Variants in SLC25A53 observed in about 807,000 individuals in gnomAD.
The protein encoded by SLC25A53 is solute carrier family 25 member 53.
Under a neutral mutation model 15.0 loss-of-function variants are expected in SLC25A53, and 5 were observed. The ratio of observed to expected loss-of-function variants is 0.33; its 90% CI spans 0.17 to 0.70. SLC25A53 has a LOEUF of 0.70. Ranked by LOEUF, SLC25A53 falls within the 30% of genes least tolerant of loss-of-function variation. The pLI is 0.67. For missense variants in SLC25A53, 216 were observed against 241.6 expected (o/e 0.89, Z 0.70); for synonymous variants, 95 against 100.0 (o/e 0.95, Z 0.30).
chrX:104,134,326 T>C (rs782226182), intron 1 of SLC25A53, among the ~76,000 whole-genome samples: 123 of 111,350 alleles, frequency 1.1e-3, no homozygotes, highest in Non-Finnish European at 2.0e-3. Flanking sequence ...GAAACATAAA[T>C]GCAATGACCA....
At chrX:104,121,800 G>C (rs1419814387) in intron 1 of SLC25A53, among the ~76,000 whole-genome samples, 1 of 99,038 alleles carries the variant, frequency 1.0e-5, no homozygotes, top group African/African-American at 3.8e-5. Context: ...TCAATATGTT[G>C]CATAATTTGT....
chrX:104,114,955 G>T lies in SLC25A53; in HGVS notation c.-31-9667C>A, dbSNP rs782551607. On this transcript the variant is annotated intron_variant, in intron 1 of 1. Transcript: ENST00000594199. ...TGACTCTGATGAGGATGTGATCCTG[G>T]TGGTGTCTCTGTACCCTTCACTGAC... 29 of 1,195,200 alleles carry T rather than the reference G, an allele frequency of 2.4e-5. No homozygotes were observed. In the Admixed American group the frequency reaches 6.7e-4, roughly 27 times the overall value.
intron 1 of SLC25A53, among the ~76,000 whole-genome samples, chrX:104,142,861 C>T (rs1054059823): frequency 7.9e-5 from 8 of 101,908 alleles, no homozygotes; most frequent in Admixed American, 1.1e-4. Flanking sequence ...GCGGAACTTA[C>T]GGTGAGCCGA....
At chrX:104,152,940 T>A (rs782271869) in intron 1 of SLC25A53, among the ~76,000 whole-genome samples, 1 of 111,209 alleles carries the variant, frequency 9.0e-6, no homozygotes, top group East Asian at 2.8e-4. Context: ...TTGACAAGAG[T>A]CTAGAATGAT....
chrX:104,120,143 C>G (rs2075389050), intron 1 of SLC25A53, among the ~76,000 whole-genome samples: 1 of 111,643 alleles, frequency 9.0e-6, no homozygotes. Context: ...TGGACTGTTT[C>G]CAGTTGGGGA....
At chrX:104,132,911 C>A (rs1478474942) in intron 1 of SLC25A53, among the ~76,000 whole-genome samples, 1 of 111,704 alleles carries the variant, frequency 9.0e-6, no homozygotes, top group Non-Finnish European at 1.9e-5. Flanking sequence ...TGTGTATAAA[C>A]TCTACCAAAT....
At chrX:104,153,262 ATTT>A (rs199783059) in intron 1 of SLC25A53, among the ~76,000 whole-genome samples, 2 of 83,321 alleles carry the variant, frequency 2.4e-5, no homozygotes, top group African/African-American at 8.5e-5. Context: ...ATATATATAT[ATTT>A]TTTTTTTCTC....
intron 1 of SLC25A53, among the ~76,000 whole-genome samples, chrX:104,136,057 C>A (rs1316593822): frequency 9.0e-6 from 1 of 111,155 alleles, no homozygotes; most frequent in Non-Finnish European, 1.9e-5. Context: ...AAAAGATGCC[C>A]TTCTCTGAGC....
At position 104,102,853 on chromosome X, in the gene SLC25A53, G is replaced by C. The variant is rs1198181590; in HGVS notation, c.*1481C>G. ...TGCTGTTAGAAAGGGGCATCACAGA[G>C]GCTGGGCGCGGTGGCTCACGCCTGT... On this transcript the variant is annotated 3_prime_UTR_variant, in exon 2 of 2. Coordinates refer to ENST00000594199, the MANE Select transcript of SLC25A53 (RefSeq NM_001012755.5). The C allele has an allele frequency of 8.9e-6, 1 of 111,926 alleles. No homozygotes were observed. Among genetic ancestry groups the C allele is most frequent in the Non-Finnish European group, 1.9e-5 (1 of 53,210 alleles). The allele number at this position is 111,926 out of a possible 1,213,427, so 9.2% of individuals were successfully genotyped here.
At chrX:104,155,022 C>T (rs1416738998) in intron 1 of SLC25A53, among the ~76,000 whole-genome samples, 2 of 111,635 alleles carry the variant, frequency 1.8e-5, no homozygotes, top group African/African-American at 3.3e-5. Flanking sequence ...TGTAAATATA[C>T]AATAAAATTA....
At chrX:104,108,204 G>A (rs1290281677) in intron 1 of SLC25A53, among the ~76,000 whole-genome samples, 1 of 111,681 alleles carries the variant, frequency 9.0e-6, no homozygotes, top group African/African-American at 3.3e-5. Context: ...AGACAGACCC[G>A]AGACTGAATT....
At chrX:104,133,252 A>T (rs1312247623) in intron 1 of SLC25A53, among the ~76,000 whole-genome samples, 2 of 112,177 alleles carry the variant, frequency 1.8e-5, no homozygotes, top group Non-Finnish European at 3.8e-5. Context: ...GAAAAAAGGC[A>T]ATCAATGAAG....
At chrX:104,132,995 T>G (rs1259877591) in intron 1 of SLC25A53, among the ~76,000 whole-genome samples, 3 of 112,146 alleles carry the variant, frequency 2.7e-5, no homozygotes, top group South Asian at 7.4e-4. Flanking sequence ...AAGAACTGAC[T>G]AGAGACTTCA....
intron 1 of SLC25A53, chrX:104,113,250 G>A (rs2075358557): frequency 8.9e-6 from 1 of 111,807 alleles, no homozygotes; most frequent in Admixed American, 9.5e-5. Context: ...AGAGCTGGTA[G>A]GGCGAGGGTC....
Position 104,114,791 on chromosome X carries a change from T to C in SLC25A53, c.-31-9503A>G, listed in dbSNP as rs782550709. On this transcript the variant is annotated intron_variant, in intron 1 of 1. Coordinates refer to ENST00000594199, the MANE Select transcript of SLC25A53 (RefSeq NM_001012755.5). ...GAAGAGGATTGGGATGATGCTTTTATTAAACGGAAGCGGCCGAAAAGGTCT... is the reference window on the plus strand; with the variant it reads ...GAAGAGGATTGGGATGATGCTTTTACTAAACGGAAGCGGCCGAAAAGGTCT... 3 of 1,211,423 alleles carry C rather than the reference T, an allele frequency of 2.5e-6. No homozygotes were observed. The Admixed American group carries it at 6.5e-5, about 26-fold the overall frequency.
intron 1 of SLC25A53, among the ~76,000 whole-genome samples, chrX:104,152,401 A>T (rs1337822764): frequency 9.1e-6 from 1 of 109,440 alleles, no homozygotes; most frequent in Non-Finnish European, 1.9e-5. Context: ...TACAAAGGAC[A>T]TGAACTCATC....
chrX:104,114,059 T>C, intron 1 of SLC25A53: 1 of 1,208,077 alleles, frequency 8.3e-7, no homozygotes, highest in Non-Finnish European at 1.1e-6. Flanking sequence ...GATAAGGCTT[T>C]TCCAAAAAGC....
Position 104,100,584 on chromosome X carries a change from G to A in SLC25A53, c.*3750C>T, listed in dbSNP as rs1424263993. On this transcript the variant is annotated 3_prime_UTR_variant, in exon 2 of 2. Coordinates refer to ENST00000594199, the MANE Select transcript of SLC25A53 (RefSeq NM_001012755.5). ...CTGTATAATTTTACAATATTGCCTA[G>A]GATTTCATATGAACCGATTTGAAAA... 4 of 111,444 alleles carry A rather than the reference G, an allele frequency of 3.6e-5. No homozygotes were observed. The East Asian group carries it at 8.4e-4, about 23-fold the overall frequency. The allele number at this position is 111,444 out of a possible 1,213,427, so 9.2% of individuals were successfully genotyped here. A position where few individuals can be genotyped will look rare whatever the true frequency, so the allele number is the denominator to read the frequency against.
intron 1 of SLC25A53, chrX:104,115,065 T>A (rs782088919): frequency 5.1e-5 from 61 of 1,196,402 alleles, no homozygotes; most frequent in Non-Finnish European, 6.4e-5. Flanking sequence ...ATTCTGGGGC[T>A]CAGTCTCTTT....
Sources: gnomAD v4.1 joint callset for allele counts (sites outside exome capture counted in the v4.1 genomes callset) on GRCh38, gnomAD v4.1.1 for gene constraint, MANE v1.5 for transcripts, NCBI Gene and HGNC (gene_info 2026-07-23, HGNC 2026-07-21) for gene names.